ADAM32: variants seen among roughly 807,000 people sequenced by gnomAD.
ADAM32 encodes the protein disintegrin and metalloproteinase domain-containing protein 32.
In ADAM32, 89 loss-of-function variants were observed where a neutral mutation model predicts 114.9. The ratio of observed to expected loss-of-function variants is 0.77; its 90% CI spans 0.65 to 0.92. The LOEUF (loss-of-function observed/expected upper bound fraction) is 0.92. Ranked by LOEUF, ADAM32 falls within the 40% of genes least tolerant of loss-of-function variation. The pLI, the probability that ADAM32 is intolerant of heterozygous loss-of-function variation, is 0.00. For missense variants in ADAM32, 870 were observed against 932.8 expected, an observed-to-expected ratio of 0.93 and a Z score of 0.88; for synonymous variants, 285 against 307.5, an observed-to-expected ratio of 0.93 and a Z score of 0.77.
intron 17 of ADAM32, among the ~76,000 whole-genome samples, chr8:39,247,307 G>A (rs1469015669): frequency 6.6e-6 from 1 of 152,100 alleles, no homozygotes; most frequent in African/African-American, 2.4e-5. Context: ...GTACCAGTTT[G>A]CATTCCCACC....
At chr8:39,253,830 T>C (rs1811460512) in intron 17 of ADAM32, among the ~76,000 whole-genome samples, 1 of 151,670 alleles carries the variant, frequency 6.6e-6, no homozygotes, top group Admixed American at 6.6e-5. Flanking sequence ...CTATCCCTAA[T>C]AGTCAAAATT....
intron 19 of ADAM32, among the ~76,000 whole-genome samples, chr8:39,258,693 A>G (rs1811822404): frequency 6.6e-6 from 1 of 152,108 alleles, no homozygotes; most frequent in African/African-American, 2.4e-5. Context: ...CAACTTTTTA[A>G]TTGTGTTGTT....
At chr8:39,232,724 T>G (rs536588693) in intron 15 of ADAM32, among the ~76,000 whole-genome samples, 73 of 152,266 alleles carry the variant, frequency 4.8e-4, no homozygotes, top group Middle Eastern at 3.4e-3. Context: ...GCTTACTAAT[T>G]TGTGAGCTTT....
intron 14 of ADAM32, among the ~76,000 whole-genome samples, chr8:39,229,802 G>A (rs1809619071): frequency 6.6e-6 from 1 of 152,068 alleles, no homozygotes; most frequent in Admixed American, 6.6e-5. Flanking sequence ...GAGACAGAAA[G>A]TCAACAAGCA....
At chr8:39,130,954 G>GTGTTTT in intron 2 of ADAM32, 1 of 337,754 alleles carries the variant, frequency 3.0e-6, no homozygotes, top group Admixed American at 4.1e-5. Context: ...GCAGGAGGAT[G>GTGTTTT]TCTTTTTTTT....
chr8:39,117,303 T>C (rs769713857), intron 1 of ADAM32, among the ~76,000 whole-genome samples: 5 of 152,246 alleles, frequency 3.3e-5, no homozygotes, highest in Non-Finnish European at 5.9e-5. Context: ...GCATCTGTTA[T>C]GTAACTGTGA....
At chr8:39,154,053 A>T (rs370035584) in intron 6 of ADAM32, among the ~76,000 whole-genome samples, 1 of 39,876 alleles carries the variant, frequency 2.5e-5, no homozygotes, top group Admixed American at 2.4e-4. Context: ...TATATATGTA[A>T]TTATACTTTA....
rs1240043553 is a variant in ADAM32, at chr8:39,254,529, CT to C, written c.2005+14del. Reference sequence around the variant, plus strand: ...GAGGAAGATATGGGCAAGTATTTGTCTCTTTAAATACCCATTTAATAAAATT... The same window carrying C: ...GAGGAAGATATGGGCAAGTATTTGTCCTTTAAATACCCATTTAATAAAATT... On this transcript the variant is annotated intron_variant, in intron 18 of 24. Coordinates refer to ENST00000379907, the MANE Select transcript of ADAM32 (RefSeq NM_145004.7). 1 of 1,523,062 alleles carries C rather than the reference CT, an allele frequency of 6.6e-7. No individual in the cohort carries two copies. The highest frequency in any genetic ancestry group is 8.9e-7 in the Non-Finnish European group (1 of 1,123,280). 94.3% of individuals were successfully genotyped at this position (1,523,062 alleles called of 1,614,324 possible). A position where few individuals can be genotyped will look rare whatever the true frequency, so the allele number is the denominator to read the frequency against.
intron 11 of ADAM32, among the ~76,000 whole-genome samples, chr8:39,206,406 G>A (rs1253102130): frequency 6.6e-6 from 1 of 152,106 alleles, no homozygotes; most frequent in Non-Finnish European, 1.5e-5. Flanking sequence ...GGTAGACTGG[G>A]CCTGTTCTCA....
chr8:39,282,522 T>A (rs1188818014), intron 23 of ADAM32, among the ~76,000 whole-genome samples: 2 of 152,216 alleles, frequency 1.3e-5, no homozygotes, highest in East Asian at 3.8e-4. Context: ...TAATTTGGAA[T>A]GTTAACCCAT....
intron 3 of ADAM32, among the ~76,000 whole-genome samples, chr8:39,138,875 G>A (rs946255915): frequency 7.2e-5 from 11 of 152,174 alleles, no homozygotes; most frequent in African/African-American, 1.4e-4. Context: ...TCTAAGTGGC[G>A]TGAGATGGTA....
intron 23 of ADAM32, 35 bp downstream of exon 23, chr8:39,281,209 T>C: frequency 8.0e-7 from 1 of 1,254,728 alleles, no homozygotes; most frequent in Non-Finnish European, 1.0e-6. Context: ...TATAAATAAG[T>C]ATGTTGAAAA....
At chr8:39,206,233 G>A (rs1003533024) in intron 11 of ADAM32, among the ~76,000 whole-genome samples, 5 of 152,192 alleles carry the variant, frequency 3.3e-5, no homozygotes, top group African/African-American at 9.7e-5. Flanking sequence ...CTAAGGACAA[G>A]GATGCCAGGT....
intron 16 of ADAM32, among the ~76,000 whole-genome samples, chr8:39,241,027 G>T (rs1037059061): frequency 3.3e-5 from 5 of 152,168 alleles, no homozygotes; most frequent in African/African-American, 1.2e-4. Flanking sequence ...TAGGGGTATA[G>T]GTATTGATAA....
chr8:39,118,082 T>C lies in ADAM32; in HGVS notation c.59-4T>C, dbSNP rs1840451135. 5 of 1,455,510 alleles carry C rather than the reference T, an allele frequency of 3.4e-6. No individual in the cohort carries two copies. Among genetic ancestry groups the C allele is most frequent in the Middle Eastern group, 1.7e-4 (1 of 5,742 alleles). The allele number at this position is 1,455,510 out of a possible 1,614,324, so 90.2% of individuals were successfully genotyped here. On this transcript the variant is annotated splice_polypyrimidine_tract_variant and splice_region_variant and intron_variant, in intron 1 of 24. Transcript: ENST00000379907. ...CTAACTTTTTTTTTTTTTTATCTCT[T>C]CAGGTTTTCAAAATTCACTTCTACA... is the stretch of plus-strand genomic sequence containing the variant.
chr8:39,220,448 C>T (rs1405284154), intron 12 of ADAM32, among the ~76,000 whole-genome samples: 1 of 151,810 alleles, frequency 6.6e-6, no homozygotes, highest in Non-Finnish European at 1.5e-5. Flanking sequence ...TTCTTTTGTT[C>T]CACTAATTTT....
At chr8:39,171,007 C>T (rs905373072) in intron 10 of ADAM32, among the ~76,000 whole-genome samples, 18 of 152,230 alleles carry the variant, frequency 1.2e-4, no homozygotes, top group Admixed American at 1.3e-4. Context: ...GATCTTGGCT[C>T]ACTGCAACCT....
At chr8:39,206,863 G>A (rs1437760043) in intron 11 of ADAM32, among the ~76,000 whole-genome samples, 3 of 152,032 alleles carry the variant, frequency 2.0e-5, no homozygotes, top group Non-Finnish European at 4.4e-5. Context: ...TGGTGGTTTG[G>A]TGGGGCTGGG....
intron 12 of ADAM32, among the ~76,000 whole-genome samples, chr8:39,213,934 T>C (rs886457490): frequency 6.6e-6 from 1 of 152,196 alleles, no homozygotes; most frequent in Non-Finnish European, 1.5e-5. Context: ...AGTGGGAACA[T>C]GCAGTGTTTG....
Sources: gnomAD v4.1 joint callset for allele counts (sites outside exome capture counted in the v4.1 genomes callset) on GRCh38, gnomAD v4.1.1 for gene constraint, MANE v1.5 for transcripts, NCBI Gene and HGNC (gene_info 2026-07-23, HGNC 2026-07-21) for gene names.